Variants in SAMD5 observed in about 807,000 individuals in gnomAD.
SAMD5 encodes the protein sterile alpha motif domain-containing protein 5.
SAMD5 carries 13 observed loss-of-function variants against 11.3 expected under a neutral mutation model. That is an observed-to-expected ratio of 1.15 (90% CI 0.75 to 1.83). The LOEUF (loss-of-function observed/expected upper bound fraction) is 1.83. SAMD5 is among the 40% of genes most tolerant of loss of function. SAMD5 has a pLI of 0.00. For synonymous variants in SAMD5, 129 were observed against 111.3 expected, an observed-to-expected ratio of 1.16 and a Z score of -1.00; for missense variants, 255 against 239.1, an observed-to-expected ratio of 1.07 and a Z score of -0.44.
At chr6:147,876,588 A>T in the SAMD5 span, among the ~76,000 whole-genome samples, 1 of 152,192 alleles carries the variant, frequency 6.6e-6, no homozygotes, top group Admixed American at 6.5e-5. Context: ...ACTAAAGGAG[A>T]GGAAACAAAA....
the SAMD5 span, among the ~76,000 whole-genome samples, chr6:147,843,333 GA>G: frequency 4.6e-5 from 7 of 152,142 alleles, no homozygotes; most frequent in African/African-American, 1.7e-4. Context: ...ATCGATTAAA[GA>G]AACTGAAGAT....
intron 1 of SAMD5, among the ~76,000 whole-genome samples, chr6:147,622,260 T>A (rs556764998): frequency 6.6e-6 from 1 of 152,336 alleles, no homozygotes; most frequent in South Asian, 2.1e-4. Flanking sequence ...AATCCTTCTG[T>A]ATACTTTGTC....
At chr6:147,654,252 A>C (rs955993339) in intron 1 of SAMD5, among the ~76,000 whole-genome samples, 2 of 152,140 alleles carry the variant, frequency 1.3e-5, no homozygotes, top group African/African-American at 4.8e-5. Context: ...TGATGTGAAA[A>C]TTCTTAGAAT....
chr6:147,951,719 G>C, the SAMD5 span, among the ~76,000 whole-genome samples: 1 of 152,154 alleles, frequency 6.6e-6, no homozygotes, highest in African/African-American at 2.4e-5. Context: ...GACTTAAGGG[G>C]AATTTGATTG....
chr6:147,743,244 A>C, the SAMD5 span: 2 of 152,234 alleles, frequency 1.3e-5, no homozygotes, highest in East Asian at 1.9e-4. Context: ...GCAGTGGCTC[A>C]CGCTTGTAAT....
intron 1 of SAMD5, among the ~76,000 whole-genome samples, chr6:147,647,186 A>C (rs938470762): frequency 5.3e-5 from 8 of 152,062 alleles, no homozygotes; most frequent in African/African-American, 1.9e-4. Context: ...AAAATCATAA[A>C]GAATAGAAAA....
intron 1 of SAMD5, among the ~76,000 whole-genome samples, chr6:147,589,633 C>T (rs1019861108): frequency 2.0e-5 from 3 of 152,142 alleles, no homozygotes; most frequent in Non-Finnish European, 4.4e-5. Context: ...CAGGTACCAA[C>T]CTAGACTTTC....
the SAMD5 span, among the ~76,000 whole-genome samples, chr6:147,878,594 TA>T: frequency 1.4e-5 from 2 of 146,448 alleles, no homozygotes; most frequent in Non-Finnish European, 1.5e-5. Flanking sequence ...TAGATATATA[TA>T]CATATATATC....
Position 147,611,570 on chromosome 6 carries a change from C to CAAAT in SAMD5, c.162+102204_162+102207dup, listed in dbSNP as rs372827158. Among the ~76,000 whole-genome samples the CAAAT allele has an allele frequency of 4.8e-3, 732 of 151,930 alleles. 2 individuals are homozygous for CAAAT. Among genetic ancestry groups the CAAAT allele is most frequent in the East Asian group, 0.014 (71 of 5,138 alleles). On this transcript the variant is annotated intron_variant, in intron 1 of 1. Coordinates refer to the SAMD5 transcript ENST00000566741. The stretch of plus-strand genomic sequence containing the variant: ...AGAACAAGACTCCGTCTCTTAAAAT[C>CAAAT]AAATAAATAAATAAATAAATAAATC...
chr6:147,831,094 A>G, the SAMD5 span, among the ~76,000 whole-genome samples: 6 of 152,262 alleles, frequency 3.9e-5, no homozygotes, highest in Admixed American at 3.9e-4. Flanking sequence ...GTGTGAAGAT[A>G]AAGTTAAAAA....
At chr6:147,685,104 CCTTT>C (rs1457538570) in intron 1 of SAMD5, among the ~76,000 whole-genome samples, 1 of 152,206 alleles carries the variant, frequency 6.6e-6, no homozygotes, top group African/African-American at 2.4e-5. Context: ...TTGTCATACT[CCTTT>C]CTAAGTTTGG....
the SAMD5 span, among the ~76,000 whole-genome samples, chr6:147,924,777 TATAAATAAATAAATAA>T: frequency 5.4e-4 from 79 of 147,194 alleles, no homozygotes; most frequent in African/African-American, 1.7e-3. Context: ...TTAATTTTGT[TATAAATAAATAAATAA>T]ATAAATAAAT....
chr6:147,793,098 C>A, the SAMD5 span, among the ~76,000 whole-genome samples: 1 of 152,108 alleles, frequency 6.6e-6, no homozygotes, highest in Admixed American at 6.6e-5. Flanking sequence ...AAAAGAATAA[C>A]CTTGCAGAGA....
chr6:147,529,981 CATTTAAA>C (rs1202331611), intron 1 of SAMD5, among the ~76,000 whole-genome samples: 1 of 152,186 alleles, frequency 6.6e-6, no homozygotes, highest in Non-Finnish European at 1.5e-5. Flanking sequence ...GTTGAGAAGA[CATTTAAA>C]AATGTCATGT....
At chr6:147,769,890 T>C in the SAMD5 span, among the ~76,000 whole-genome samples, 5 of 152,186 alleles carry the variant, frequency 3.3e-5, no homozygotes, top group African/African-American at 9.7e-5. Context: ...AATTGTACTG[T>C]GAGTTTGAAA....
intron 1 of SAMD5, among the ~76,000 whole-genome samples, chr6:147,618,249 A>G (rs540917500): frequency 3.3e-5 from 5 of 152,236 alleles, no homozygotes; most frequent in African/African-American, 9.6e-5. Flanking sequence ...CGCCATGCTC[A>G]TCGGCATTAA....
At chr6:147,920,917 T>G in the SAMD5 span, among the ~76,000 whole-genome samples, 1 of 152,364 alleles carries the variant, frequency 6.6e-6, no homozygotes, top group African/African-American at 2.4e-5. Context: ...TACCCATAGC[T>G]ATGATATCCA....
chr6:147,828,683 A>T, the SAMD5 span, among the ~76,000 whole-genome samples: 152 of 152,258 alleles, frequency 1.0e-3, no homozygotes, highest in African/African-American at 3.4e-3. Flanking sequence ...CTATTGTAGG[A>T]CCTCACCTTG....
intron 1 of SAMD5, among the ~76,000 whole-genome samples, chr6:147,653,521 A>T (rs1387906519): frequency 6.6e-6 from 1 of 152,204 alleles, no homozygotes; most frequent in African/African-American, 2.4e-5. Flanking sequence ...CCAGGCATTG[A>T]TCTTTCAAGT....
Sources: gnomAD v4.1 joint callset for allele counts (sites outside exome capture counted in the v4.1 genomes callset) on GRCh38, gnomAD v4.1.1 for gene constraint, MANE v1.5 for transcripts, NCBI Gene and HGNC (gene_info 2026-07-23, HGNC 2026-07-21) for gene names.